The following SIK3 variants were observed in gnomAD, a reference collection of about 807,000 sequenced individuals.
SIK3 encodes the protein SIK family kinase 3, also known as serine/threonine-protein kinase SIK3.
Under a neutral mutation model 144.2 loss-of-function variants are expected in SIK3, and 28 were observed. The observed-to-expected ratio is 0.19, with a 90% CI of 0.14 to 0.27. The LOEUF is 0.27. Among genes scored for constraint, SIK3 ranks in the 10% least tolerant of loss-of-function variants. The pLI, the probability that SIK3 is intolerant of heterozygous loss-of-function variation, is 1.00. For missense variants in SIK3, 1,319 were observed against 1,776.0 expected (o/e 0.74, Z 4.62); for synonymous variants, 686 against 676.3 (o/e 1.01, Z -0.22).
intron 2 of SIK3, among the ~76,000 whole-genome samples, chr11:116,956,298 GATGATGGC>G (rs1949135990): frequency 6.6e-6 from 1 of 150,656 alleles, no homozygotes; most frequent in Non-Finnish European, 1.5e-5. Flanking sequence ...GAATCATTTT[GATGATGGC>G]ATGAAATATG....
chr11:117,031,111 A>G (rs140931001), intron 1 of SIK3, among the ~76,000 whole-genome samples: 127 of 152,260 alleles, frequency 8.3e-4, no homozygotes, highest in African/African-American at 2.6e-3. Flanking sequence ...TTGCCTTTTC[A>G]GCCTTTTAAC....
intron 3 of SIK3, among the ~76,000 whole-genome samples, chr11:116,939,058 T>C (rs1451088266): frequency 6.6e-6 from 1 of 152,216 alleles, no homozygotes; most frequent in Non-Finnish European, 1.5e-5. Context: ...CTAAGTAGTT[T>C]ATAAGGCAAA....
intron 19 of SIK3, 143 bp from the exon 20 acceptor site, chr11:116,859,747 G>A (rs1490424674): frequency 4.3e-6 from 3 of 700,916 alleles, no homozygotes; most frequent in African/African-American, 3.6e-5. Flanking sequence ...CAAGTCTGGA[G>A]AACTTGTTAA....
intron 1 of SIK3, among the ~76,000 whole-genome samples, chr11:117,038,536 C>G (rs536754116): frequency 6.1e-4 from 93 of 151,504 alleles, no homozygotes; most frequent in African/African-American, 1.9e-3. Context: ...TTTGTATTTT[C>G]AGTAGAGACG....
intron 1 of SIK3, among the ~76,000 whole-genome samples, chr11:116,994,356 T>C (rs995300754): frequency 3.3e-5 from 5 of 152,206 alleles, no homozygotes; most frequent in Non-Finnish European, 5.9e-5. Context: ...TTAATCTTCC[T>C]TTCTCTGAAA....
intron 1 of SIK3, among the ~76,000 whole-genome samples, chr11:117,079,089 A>G (rs2136041776): frequency 6.6e-6 from 1 of 152,350 alleles, no homozygotes; most frequent in South Asian, 2.1e-4. Flanking sequence ...TTGTTAAGTT[A>G]AATGAATGTT....
chr11:116,892,794 T>C (rs769151515), intron 6 of SIK3, among the ~76,000 whole-genome samples: 5 of 152,190 alleles, frequency 3.3e-5, no homozygotes, highest in Admixed American at 6.6e-5. Flanking sequence ...TTATTCATAA[T>C]TGTCAAAATT....
intron 1 of SIK3, among the ~76,000 whole-genome samples, chr11:117,011,113 C>G (rs1951234133): frequency 6.6e-6 from 1 of 152,098 alleles, no homozygotes; most frequent in African/African-American, 2.4e-5. Flanking sequence ...GCGTGAGACC[C>G]TGTCTCAAAC....
chr11:116,950,163 A>G (rs1196585109), intron 3 of SIK3: 1 of 470,908 alleles, frequency 2.1e-6, no homozygotes. Context: ...GGGGCTGAGT[A>G]GAAGAAGGGG....
At chr11:117,011,657 C>A (rs1053551340) in intron 1 of SIK3, among the ~76,000 whole-genome samples, 1 of 152,110 alleles carries the variant, frequency 6.6e-6, no homozygotes, top group Non-Finnish European at 1.5e-5. Context: ...AAAAATTCTG[C>A]AAGGTATAGC....
intron 6 of SIK3, among the ~76,000 whole-genome samples, chr11:116,881,322 G>A (rs1045500267): frequency 1.3e-5 from 2 of 151,992 alleles, no homozygotes; most frequent in East Asian, 1.9e-4. Context: ...CATGCAAGAC[G>A]CCAAGCGGTC....
At chr11:116,915,578 T>C (rs778786671) in intron 4 of SIK3, among the ~76,000 whole-genome samples, 2 of 150,030 alleles carry the variant, frequency 1.3e-5, no homozygotes, top group Admixed American at 6.6e-5. Context: ...TAGATAGATA[T>C]AGATACGGAT....
intron 3 of SIK3, among the ~76,000 whole-genome samples, chr11:116,945,380 C>CTTTTTTT (rs35915801): frequency 1.0e-5 from 1 of 95,400 alleles, no homozygotes; most frequent in Non-Finnish European, 2.0e-5. Context: ...TTCATGAATT[C>CTTTTTTT]TTTTTTTTTT....
chr11:116,994,194 G>C (rs1466179974), intron 1 of SIK3, among the ~76,000 whole-genome samples: 1 of 152,166 alleles, frequency 6.6e-6, no homozygotes, highest in East Asian at 1.9e-4. Flanking sequence ...AGTGTTATTT[G>C]TAAGTAACCA....
At chr11:116,900,367 C>G (rs1226153326) in intron 4 of SIK3, among the ~76,000 whole-genome samples, 2 of 152,186 alleles carry the variant, frequency 1.3e-5, no homozygotes, top group Non-Finnish European at 2.9e-5. Context: ...AGTTCATACT[C>G]TTATCATCCC....
intron 1 of SIK3, among the ~76,000 whole-genome samples, chr11:117,076,197 C>G (rs760356458): frequency 2.6e-5 from 4 of 152,064 alleles, no homozygotes; most frequent in African/African-American, 9.7e-5. Context: ...CATCACAAGC[C>G]TTGGAAGAGC....
At chr11:117,074,962 T>TA (rs1954445672) in intron 1 of SIK3, among the ~76,000 whole-genome samples, 1 of 151,768 alleles carries the variant, frequency 6.6e-6, no homozygotes, top group South Asian at 2.1e-4. Context: ...ATGAAATATC[T>TA]AAAAAATATA....
At chr11:117,037,567 A>G (rs7115242) in intron 1 of SIK3, among the ~76,000 whole-genome samples, 135,260 of 152,158 alleles carry the variant, frequency 0.89, 60,360 homozygotes, top group African/African-American at 0.92. Flanking sequence ...AATAGGTGTT[A>G]GTACTGAGGA....
Position 116,849,093 on chromosome 11 carries a change from T to A in SIK3, c.3819+27A>T. ...AAGGCTGGGACTGGGAGGATCCACC[T>A]CTGTGCAGCAGGTGGGACCAACATA... On this transcript the variant is annotated intron_variant, in intron 22 of 24. Transcript: ENST00000445177. The surrounding 1 kb of genome is among the most constrained non-coding windows in gnomAD (Gnocchi z 4.2). The A allele has an allele frequency of 6.4e-7, 1 of 1,558,134 alleles. No individual in the cohort carries two copies. Among genetic ancestry groups the A allele is most frequent in the Non-Finnish European group, 8.7e-7 (1 of 1,147,610 alleles).
Sources: allele counts gnomAD v4.1 joint callset (sites outside exome capture counted in the v4.1 genomes callset), GRCh38; gene constraint gnomAD v4.1.1; non-coding constraint Gnocchi (gnomAD v3.1); transcripts MANE v1.5; gene names NCBI Gene and HGNC (gene_info 2026-07-23, HGNC 2026-07-21).